PTPDC1: variants seen among roughly 807,000 people sequenced by gnomAD.
PTPDC1 encodes the protein protein tyrosine phosphatase domain-containing protein 1.
In PTPDC1, 53 loss-of-function variants were observed where a neutral mutation model predicts 75.3. The ratio of observed to expected loss-of-function variants is 0.70; its 90% CI spans 0.56 to 0.88. PTPDC1 has a LOEUF of 0.88. PTPDC1 is among the 40% of genes least tolerant of loss of function. PTPDC1 has a pLI of 0.00. For missense variants in PTPDC1, 925 were observed against 998.6 expected (o/e 0.93, Z 0.99); for synonymous variants, 349 against 366.2 (o/e 0.95, Z 0.54).
At chr9:94,061,742 G>A (rs929761086) in intron 1 of PTPDC1, among the ~76,000 whole-genome samples, 3 of 152,214 alleles carry the variant, frequency 2.0e-5, no homozygotes, top group African/African-American at 7.2e-5. Flanking sequence ...GGTGCAGGGA[G>A]CAGTGTCCTG....
At chr9:94,042,948 C>G (rs530425077) in intron 1 of PTPDC1, among the ~76,000 whole-genome samples, 1 of 152,126 alleles carries the variant, frequency 6.6e-6, no homozygotes, top group Non-Finnish European at 1.5e-5. Flanking sequence ...TTTACTCATC[C>G]GTAAAAAGCA....
intron 8 of PTPDC1, among the ~76,000 whole-genome samples, chr9:94,106,174 A>G (rs1189146860): frequency 6.6e-6 from 1 of 152,180 alleles, no homozygotes; most frequent in African/African-American, 2.4e-5. Context: ...GAAAAGTTAG[A>G]GATAACAGTT....
In PTPDC1 at chr9:94,109,078, C is replaced by G. The variant is rs1159625437; in HGVS notation, c.*1134C>G. 2 of 152,240 alleles carry G rather than the reference C, an allele frequency of 1.3e-5. No individual in the cohort carries two copies. Among genetic ancestry groups the G allele is most frequent in the African/African-American group, 4.8e-5 (2 of 41,466 alleles). 9.4% of individuals were successfully genotyped at this position (152,240 alleles called of 1,614,324 possible). The stretch of plus-strand genomic sequence containing the variant: ...GATTTTTAAACTGAAGTTGACCATA[C>G]AGGTTGCATTAGCCCTAACTGGCTT... On this transcript the variant is annotated 3_prime_UTR_variant, in exon 9 of 9. Coordinates refer to ENST00000620992, the MANE Select transcript of PTPDC1 (RefSeq NM_001253829.2).
intron 6 of PTPDC1, 117 bp from the exon 7 acceptor site, chr9:94,101,449 G>C: frequency 1.4e-6 from 1 of 709,424 alleles, no homozygotes; most frequent in Non-Finnish European, 2.3e-6. Context: ...GCACTCTGGA[G>C]CCTGAGTCTT....
chr9:94,071,934 G>C (rs1467561050), intron 2 of PTPDC1, among the ~76,000 whole-genome samples: 1 of 152,072 alleles, frequency 6.6e-6, no homozygotes, highest in African/African-American at 2.4e-5. Flanking sequence ...TCAGCATACA[G>C]ATTCATACAT....
intron 1 of PTPDC1, among the ~76,000 whole-genome samples, chr9:94,061,630 C>A (rs1243831519): frequency 6.6e-6 from 1 of 152,256 alleles, no homozygotes; most frequent in East Asian, 1.9e-4. Flanking sequence ...CACCTGCAGG[C>A]TTAACACCAC....
At chr9:94,066,164 T>C (rs575404998) in intron 2 of PTPDC1, among the ~76,000 whole-genome samples, 48 of 152,298 alleles carry the variant, frequency 3.2e-4, no homozygotes, top group African/African-American at 1.1e-3. Context: ...AAACCCGGCA[T>C]ATTTCCAAAT....
At chr9:94,094,088 G>A (rs190240657) in intron 4 of PTPDC1, among the ~76,000 whole-genome samples, 248 of 152,354 alleles carry the variant, frequency 1.6e-3, no homozygotes, top group African/African-American at 5.7e-3. Flanking sequence ...GCTTGTCAAA[G>A]TCATTCTCCA....
intron 1 of PTPDC1, among the ~76,000 whole-genome samples, chr9:94,037,173 A>G (rs1825297244): frequency 6.6e-6 from 1 of 152,204 alleles, no homozygotes; most frequent in African/African-American, 2.4e-5. Flanking sequence ...TTCAACTCTT[A>G]GGTGGAAAAG....
At position 94,084,503 on chromosome 9, in the gene PTPDC1, C is replaced by T. The variant is rs1346056601; in HGVS notation, c.-28C>T. On this transcript the variant is annotated 5_prime_UTR_variant, in exon 1 of 9. Coordinates refer to ENST00000620992, the MANE Select transcript of PTPDC1 (RefSeq NM_001253829.2). ...ACTGAGTGAGTGGGGCTGACTCTTC[C>T]TGCCTCCGGCTCTTGCCTCCCAGTG... is the stretch of plus-strand genomic sequence containing the variant. 1.4e-5 allele frequency: 22 copies of T among 1,605,404 alleles called. No homozygotes were observed. Among genetic ancestry groups the T allele is most frequent in the Non-Finnish European group, 1.9e-5 (22 of 1,179,668 alleles).
chr9:94,108,508 A>G lies in PTPDC1; in HGVS notation c.*564A>G, dbSNP rs1016057133. On this transcript the variant is annotated 3_prime_UTR_variant, in exon 9 of 9. Transcript: ENST00000620992. ...TTTTTCCTTTTCTTTTTATAAATGT[A>G]ACAGAGGGTTTCAAAGCATATTATT... 2 of 152,648 alleles carry G rather than the reference A, an allele frequency of 1.3e-5. No homozygotes were observed. Among genetic ancestry groups the G allele is most frequent in the Admixed American group, 1.3e-4 (2 of 15,282 alleles). 9.5% of individuals were successfully genotyped at this position (152,648 alleles called of 1,614,324 possible).
chr9:94,097,255 G>A lies in PTPDC1; in HGVS notation c.755-66G>A, dbSNP rs149798717. On this transcript the variant is annotated intron_variant, in intron 5 of 8. Coordinates refer to ENST00000620992, the MANE Select transcript of PTPDC1 (RefSeq NM_001253829.2). ...TATTCAAATTGTAAATCATCAAAGA[G>A]TGATAAATAAAATAAATAAAAATGT... The A allele has an allele frequency of 3.9e-6, 4 of 1,030,348 alleles. No individual in the cohort carries two copies. In the East Asian group the frequency reaches 7.3e-5, roughly 19 times the overall value. The allele number at this position is 1,030,348 out of a possible 1,614,324, so 63.8% of individuals were successfully genotyped here.
At chr9:94,104,521 A>G in intron 8 of PTPDC1, 136 bp downstream of exon 8, 1 of 579,192 alleles carries the variant, frequency 1.7e-6, no homozygotes, top group African/African-American at 1.8e-5. Flanking sequence ...AATCTGTTTG[A>G]CATTTCTTCT....
chr9:94,037,582 T>G (rs1825311044), intron 1 of PTPDC1, among the ~76,000 whole-genome samples: 1 of 152,202 alleles, frequency 6.6e-6, no homozygotes, highest in South Asian at 2.1e-4. Flanking sequence ...CTCTCATGAT[T>G]GTTTTTAAAC....
At chr9:94,102,991 T>TACACAC (rs10624415) in intron 7 of PTPDC1, among the ~76,000 whole-genome samples, 3,793 of 148,920 alleles carry the variant, frequency 0.025, 80 homozygotes, top group Non-Finnish European at 0.034. Flanking sequence ...CTGCTGTTAC[T>TACACAC]ACACACACAC....
intron 1 of PTPDC1, among the ~76,000 whole-genome samples, chr9:94,061,226 A>G (rs962815361): frequency 1.3e-5 from 2 of 151,954 alleles, no homozygotes; most frequent in African/African-American, 4.8e-5. Context: ...GCTCCAAAAT[A>G]CTCCATGGGA....
At chr9:94,105,076 T>A (rs1370574985) in intron 8 of PTPDC1, among the ~76,000 whole-genome samples, 2 of 152,240 alleles carry the variant, frequency 1.3e-5, no homozygotes, top group Non-Finnish European at 2.9e-5. Flanking sequence ...TGTGGTAACA[T>A]TAATGATAAG....
chr9:94,083,118 T>C (rs964985719), upstream of PTPDC1, among the ~76,000 whole-genome samples: 1 of 152,168 alleles, frequency 6.6e-6, no homozygotes, highest in Non-Finnish European at 1.5e-5. Context: ...CTTACACAGA[T>C]AGCAAATACA....
At chr9:94,070,377 C>T (rs1826472166) in intron 2 of PTPDC1, among the ~76,000 whole-genome samples, 1 of 152,184 alleles carries the variant, frequency 6.6e-6, no homozygotes, top group Admixed American at 6.5e-5. Context: ...TTGTGTTGCC[C>T]TGACCTTTGC....
Sources: allele counts gnomAD v4.1 joint callset (sites outside exome capture counted in the v4.1 genomes callset), GRCh38; gene constraint gnomAD v4.1.1; transcripts MANE v1.5; gene names NCBI Gene and HGNC (gene_info 2026-07-23, HGNC 2026-07-21).